SRSF4: variants seen among roughly 807,000 people sequenced by gnomAD.
SRSF4 encodes serine and arginine rich splicing factor 4.
In SRSF4, 12 loss-of-function variants were observed where a neutral mutation model predicts 48.8. That is an observed-to-expected ratio of 0.25 (90% CI 0.16 to 0.40). The LOEUF is 0.40. Among genes scored for constraint, SRSF4 ranks in the 10% least tolerant of loss-of-function variants. The pLI, the probability that SRSF4 is intolerant of heterozygous loss-of-function variation, is 1.00. For missense variants in SRSF4, 466 were observed against 667.1 expected, an observed-to-expected ratio of 0.70 and a Z score of 3.32; for synonymous variants, 248 against 232.5, an observed-to-expected ratio of 1.07 and a Z score of -0.61.
chr1:29,152,114 CAACA>C (rs572657541), intron 4 of SRSF4, among the ~76,000 whole-genome samples: 90 of 152,222 alleles, frequency 5.9e-4, no homozygotes, highest in African/African-American at 1.8e-3. Context: ...TCCATTTCTA[CAACA>C]AACAAACAAC....
intron 1 of SRSF4, among the ~76,000 whole-genome samples, chr1:29,175,694 CAAAAAAAAA>C (rs60942124): frequency 7.8e-5 from 3 of 38,588 alleles, no homozygotes; most frequent in African/African-American, 2.6e-4. Flanking sequence ...GACGCTGTCT[CAAAAAAAAA>C]AAAAAAAAAA....
intron 3 of SRSF4, among the ~76,000 whole-genome samples, chr1:29,157,902 G>C (rs1672525169): frequency 6.6e-6 from 1 of 152,210 alleles, no homozygotes; most frequent in African/African-American, 2.4e-5. Flanking sequence ...GGGTGCAGTG[G>C]CTCACGCCTG....
intron 1 of SRSF4, 21 bp downstream of exon 1, chr1:29,181,625 A>C: frequency 6.4e-7 from 1 of 1,567,114 alleles, no homozygotes; most frequent in South Asian, 1.2e-5. Context: ...GCCCGGCCGG[A>C]CCCTCTTTCG....
rs370975698 is a variant in SRSF4 at position 29,149,301 on chromosome 1, T to C, written c.669-75A>G. Reference sequence around the variant, plus strand: ...CAGGAGATAAAAAGACCAAAGGGCATACATGTGGAGTTACACCCCCCAATA... The same window carrying C: ...CAGGAGATAAAAAGACCAAAGGGCACACATGTGGAGTTACACCCCCCAATA... On this transcript the variant is annotated intron_variant, in intron 5 of 5. Transcript: ENST00000373795. 14 of 1,519,582 alleles carry C rather than the reference T, an allele frequency of 9.2e-6. No individual in the cohort carries two copies. In the African/African-American group the frequency reaches 1.4e-4, roughly 15 times the overall value. 94.1% of individuals were successfully genotyped at this position (1,519,582 alleles called of 1,614,324 possible).
At chr1:29,149,481 G>A (rs1291130929) in intron 5 of SRSF4, among the ~76,000 whole-genome samples, 3 of 151,934 alleles carry the variant, frequency 2.0e-5, no homozygotes, top group Non-Finnish European at 4.4e-5. Context: ...GAGTTCAAGA[G>A]CCAGCCTGGC....
chr1:29,170,029 T>C (rs960713353), intron 1 of SRSF4: 1 of 152,236 alleles, frequency 6.6e-6, no homozygotes, highest in African/African-American at 2.4e-5. Context: ...CAAACTATCA[T>C]TACCCCCTGC....
intron 4 of SRSF4, among the ~76,000 whole-genome samples, chr1:29,150,583 G>A (rs528673958): frequency 5.9e-5 from 9 of 152,230 alleles, no homozygotes; most frequent in Admixed American, 3.9e-4. Context: ...AATATGTACA[G>A]CACTGGCTGT....
chr1:29,163,862 T>C (rs1218804828), intron 1 of SRSF4, among the ~76,000 whole-genome samples: 2 of 152,236 alleles, frequency 1.3e-5, no homozygotes, highest in Non-Finnish European at 2.9e-5. Context: ...ACCTGGGTTC[T>C]AGTCTTGGTT....
Position 29,181,758 on chromosome 1 carries a change from C to CA in SRSF4, c.-7dup. The CA allele has an allele frequency of 6.4e-7, 1 of 1,573,430 alleles. No individual in the cohort carries two copies. The highest frequency in any genetic ancestry group is 1.4e-5 in the African/African-American group (1 of 71,424). On this transcript the variant is annotated 5_prime_UTR_variant, in exon 1 of 6. Transcript: ENST00000373795. Reference sequence around the variant, plus strand: ...CCGATGTACACCCGCGGCATCCCGGCAACGGCAGTGATGGCTGGCCCCGGC... The same window carrying CA: ...CCGATGTACACCCGCGGCATCCCGGCAAACGGCAGTGATGGCTGGCCCCGGC...
Position 29,154,725 on chromosome 1 carries a change from C to T in SRSF4, c.549G>A (p.Arg183=). 6.2e-7 allele frequency: 1 copy of T among 1,614,184 alleles called. No individual in the cohort carries two copies. The highest frequency in any genetic ancestry group is 8.5e-7 in the Non-Finnish European group (1 of 1,180,034). ...VEDKPGSRRR[R]SYSRSRSHSR... is the part of the protein sequence containing the mutation. Reference sequence around the variant, plus strand: ...AATGACTCCGGCTTCTGGAGTAGGACCGGCGTCGTCTGGAACCTGGCTTGT... The same window carrying T: ...AATGACTCCGGCTTCTGGAGTAGGATCGGCGTCGTCTGGAACCTGGCTTGT... Residue 183 remains arginine, a synonymous_variant, in exon 4 of 6, where the codon CGG becomes CGA. Transcript: ENST00000373795.
Position 29,148,381 on chromosome 1 carries a change from C to T in SRSF4, c.*29G>A, listed in dbSNP as rs188410116. 4.5e-5 allele frequency: 70 copies of T among 1,561,528 alleles called. No homozygotes were observed. The East Asian group carries it at 8.8e-4, about 20-fold the overall frequency. ...TACCAAACATGTACAAAAGACTTCTCGGGTAGTTCCAGCTGTGGCCATAGC... is the reference window on the plus strand; with the variant it reads ...TACCAAACATGTACAAAAGACTTCTTGGGTAGTTCCAGCTGTGGCCATAGC... On this transcript the variant is annotated 3_prime_UTR_variant, in exon 6 of 6. Coordinates refer to ENST00000373795, the MANE Select transcript of SRSF4 (RefSeq NM_005626.5).
intron 1 of SRSF4, among the ~76,000 whole-genome samples, chr1:29,178,367 A>G (rs1407156436): frequency 1.8e-4 from 2 of 10,906 alleles, no homozygotes; most frequent in Non-Finnish European, 8.3e-4. Flanking sequence ...TTTTTTTGAG[A>G]CAGAGTCTCG....
intron 1 of SRSF4, among the ~76,000 whole-genome samples, chr1:29,167,870 T>C (rs1365373123): frequency 2.0e-5 from 3 of 152,228 alleles, no homozygotes; most frequent in African/African-American, 7.2e-5. Flanking sequence ...TGTATTATTA[T>C]TCTTCTCATT....
intron 4 of SRSF4, among the ~76,000 whole-genome samples, chr1:29,154,135 C>G (rs183632725): frequency 6.6e-6 from 1 of 152,172 alleles, no homozygotes; most frequent in East Asian, 1.9e-4. Flanking sequence ...CTCACTGCAA[C>G]CTCTGCCCCT....
intron 4 of SRSF4, 181 bp downstream of exon 4, chr1:29,154,515 T>G: frequency 1.6e-6 from 1 of 640,820 alleles, no homozygotes. Flanking sequence ...GGACTTCTAT[T>G]TGTACTCATG....
At chr1:29,172,721 T>A (rs180808306) in intron 1 of SRSF4, 2 of 152,350 alleles carry the variant, frequency 1.3e-5, no homozygotes, top group South Asian at 4.1e-4. Flanking sequence ...ACTGAGATAC[T>A]TGAATATGTT....
intron 1 of SRSF4, among the ~76,000 whole-genome samples, chr1:29,174,961 C>G (rs899613152): frequency 6.7e-6 from 1 of 148,194 alleles, no homozygotes; most frequent in Non-Finnish European, 1.5e-5. Flanking sequence ...CGTGAGCCAC[C>G]ACAACTGGCC....
chr1:29,149,317 C>CCCCCCAATA lies in SRSF4; in HGVS notation c.669-100_669-92dup, dbSNP rs1574187696. ...CAAAGGGCATACATGTGGAGTTACACCCCCCAATATAAAGCATGGCTGGCA... is the reference window on the plus strand; with the variant it reads ...CAAAGGGCATACATGTGGAGTTACACCCCCCAATACCCCCAATATAAAGCATGGCTGGCA... On this transcript the variant is annotated intron_variant, in intron 5 of 5. Coordinates refer to ENST00000373795, the MANE Select transcript of SRSF4 (RefSeq NM_005626.5). 1.2e-5 allele frequency: 17 copies of CCCCCCAATA among 1,403,048 alleles called. No individual in the cohort carries two copies. The East Asian group carries it at 4.1e-4, about 34-fold the overall frequency. 86.9% of individuals were successfully genotyped at this position (1,403,048 alleles called of 1,614,324 possible).
chr1:29,177,658 A>T (rs1253250048), intron 1 of SRSF4, among the ~76,000 whole-genome samples: 1 of 152,064 alleles, frequency 6.6e-6, no homozygotes, highest in Non-Finnish European at 1.5e-5. Flanking sequence ...GGTCTATATG[A>T]TCCTGGGAGA....
Sources: allele counts gnomAD v4.1 joint callset (sites outside exome capture counted in the v4.1 genomes callset), GRCh38; gene constraint gnomAD v4.1.1; transcripts MANE v1.5; gene names NCBI Gene and HGNC (gene_info 2026-07-23, HGNC 2026-07-21).